Variants in CADM2 observed in about 807,000 individuals in gnomAD.
The protein encoded by CADM2 is cell adhesion molecule 2.
In CADM2, 12 loss-of-function variants were observed where a neutral mutation model predicts 49.8. That is an observed-to-expected ratio of 0.24 (90% CI 0.15 to 0.39). The LOEUF (loss-of-function observed/expected upper bound fraction) is 0.39, where lower values mean the gene tolerates loss of function less well. CADM2 is among the 10% of genes least tolerant of loss of function. CADM2 has a pLI of 1.00. For missense variants in CADM2, 378 were observed against 492.3 expected, an observed-to-expected ratio of 0.77 and a Z score of 2.20; for synonymous variants, 214 against 175.4, an observed-to-expected ratio of 1.22 and a Z score of -1.74.
At chr3:85,217,896 G>A (rs1193517460) in intron 1 of CADM2, among the ~76,000 whole-genome samples, 2 of 151,926 alleles carry the variant, frequency 1.3e-5, no homozygotes, top group Admixed American at 6.6e-5. Flanking sequence ...CACTTGCTTA[G>A]CCTTTTAAAT....
chr3:84,993,580 A>C (rs971495790), intron 1 of CADM2, among the ~76,000 whole-genome samples: 5 of 152,182 alleles, frequency 3.3e-5, no homozygotes, highest in Non-Finnish European at 7.3e-5. Flanking sequence ...GATTAGCAGA[A>C]AGTCAAAAGG....
intron 1 of CADM2, among the ~76,000 whole-genome samples, chr3:85,332,839 CT>C (rs140583272): frequency 0.073 from 11,058 of 151,436 alleles, 738 homozygotes; most frequent in African/African-American, 0.18. Flanking sequence ...GTGAACAAGG[CT>C]TTTTTTTATT....
At chr3:85,751,156 G>A (rs2068842761) in intron 2 of CADM2, among the ~76,000 whole-genome samples, 1 of 151,988 alleles carries the variant, frequency 6.6e-6, no homozygotes, top group Non-Finnish European at 1.5e-5. Flanking sequence ...AACTGGGTAG[G>A]GGCAATGGTG....
intron 3 of CADM2, among the ~76,000 whole-genome samples, chr3:85,875,242 A>AT (rs889601582): frequency 1.1e-4 from 16 of 151,412 alleles, no homozygotes; most frequent in East Asian, 7.7e-4. Context: ...TACAAATCTT[A>AT]TTTTTTTTTC....
At position 85,259,446 on chromosome 3, in the gene CADM2, C is replaced by T. The variant is rs187238935; in HGVS notation, c.61+299778C>T. 1.8e-3 allele frequency among the ~76,000 whole-genome samples: 272 copies of T among 151,622 alleles called. 1 individual carries two copies. Among genetic ancestry groups the T allele is most frequent in the African/African-American group, 6.3e-3 (261 of 41,302 alleles). On this transcript the variant is annotated intron_variant, in intron 1 of 9. Coordinates refer to ENST00000383699, the MANE Select transcript of CADM2 (RefSeq NM_001167675.2). ...CATGATAAATAGCAACACTAAAATG[C>T]AATTTAGTGAACATGTGTGAGCCTG... is the stretch of plus-strand genomic sequence containing the variant.
In CADM2 at chr3:85,806,691, C is replaced by T. The variant is rs189919870; in HGVS notation, c.238+4495C>T. ...CGGAGGTTGCAGTGAGCTGAGATCG[C>T]GCTACTGCACTCCAGCCTGGGTGAT... On this transcript the variant is annotated intron_variant, in intron 3 of 9. Coordinates refer to ENST00000383699, the MANE Select transcript of CADM2 (RefSeq NM_001167675.2). 4.3e-3 allele frequency among the ~76,000 whole-genome samples: 650 copies of T among 152,004 alleles called. 3 individuals are homozygous for T. The highest frequency in any genetic ancestry group is 6.3e-3 in the Non-Finnish European group (425 of 67,952).
chr3:85,687,720 GTAATTAGATGTCTA>G (rs1392824724), intron 1 of CADM2, among the ~76,000 whole-genome samples: 1 of 152,098 alleles, frequency 6.6e-6, no homozygotes, highest in Non-Finnish European at 1.5e-5. Context: ...AAATATGTGG[GTAATTAGATGTCTA>G]TAGTCCTCCT....
chr3:85,428,393 T>A (rs2036513024), intron 1 of CADM2, among the ~76,000 whole-genome samples: 1 of 145,322 alleles, frequency 6.9e-6, no homozygotes. Flanking sequence ...TTATTTTATA[T>A]AATACATATT....
chr3:85,317,424 G>A (rs912837541), intron 1 of CADM2, among the ~76,000 whole-genome samples: 1 of 152,044 alleles, frequency 6.6e-6, no homozygotes, highest in Non-Finnish European at 1.5e-5. Flanking sequence ...ACTATATAAG[G>A]GAAGTAGCCA....
chr3:85,781,018 C>T (rs932606928), intron 2 of CADM2, among the ~76,000 whole-genome samples: 1 of 152,080 alleles, frequency 6.6e-6, no homozygotes, highest in Non-Finnish European at 1.5e-5. Flanking sequence ...CCAGCCTATC[C>T]CCAGAAGCCA....
chr3:85,045,924 C>T (rs975645496), intron 1 of CADM2, among the ~76,000 whole-genome samples: 2 of 152,088 alleles, frequency 1.3e-5, no homozygotes, highest in African/African-American at 4.8e-5. Context: ...CCTAAGTAGA[C>T]ATCTTAGGAA....
chr3:85,352,729 T>G (rs1428199745), intron 1 of CADM2, among the ~76,000 whole-genome samples: 1 of 152,124 alleles, frequency 6.6e-6, no homozygotes, highest in Non-Finnish European at 1.5e-5. Context: ...ATTTTATGAG[T>G]TAAAAAGAAA....
chr3:86,074,325 A>C lies in CADM2; in HGVS notation c.*7542A>C, dbSNP rs1482764474. The stretch of plus-strand genomic sequence containing the variant: ...TCTACTTTAAATAACAGATTTTGTT[A>C]CACAGGGTAAGCCAAAGGCTGTACA... On this transcript the variant is annotated 3_prime_UTR_variant, in exon 10 of 10. Transcript: ENST00000383699. 2.0e-5 allele frequency: 3 copies of C among 152,028 alleles called. No homozygotes were observed. Among genetic ancestry groups the C allele is most frequent in the African/African-American group, 7.2e-5 (3 of 41,458 alleles). The allele number at this position is 152,028 out of a possible 1,614,324, so 9.4% of individuals were successfully genotyped here. A position where few individuals can be genotyped will look rare whatever the true frequency, so the allele number is the denominator to read the frequency against.
chr3:86,041,801 C>T (rs184752658), intron 8 of CADM2, among the ~76,000 whole-genome samples: 281 of 152,250 alleles, frequency 1.8e-3, no homozygotes, highest in African/African-American at 5.9e-3. Context: ...CACACCACAC[C>T]TATTCCAAAA....
intron 1 of CADM2, among the ~76,000 whole-genome samples, chr3:85,207,034 A>C (rs543803759): frequency 6.8e-6 from 1 of 147,996 alleles, no homozygotes; most frequent in African/African-American, 2.5e-5. Context: ...AGAATCAGTT[A>C]CTTTGGAAGA....
chr3:85,042,281 A>G (rs531742616), intron 1 of CADM2, among the ~76,000 whole-genome samples: 1 of 152,310 alleles, frequency 6.6e-6, no homozygotes, highest in African/African-American at 2.4e-5. Flanking sequence ...CGTCTTGAGC[A>G]TGAAAGCAGT....
chr3:85,542,309 C>A lies in CADM2; in HGVS notation c.62-184213C>A, dbSNP rs544105924. Among the ~76,000 whole-genome samples, 7 of 152,122 alleles carry A rather than the reference C, an allele frequency of 4.6e-5. No homozygotes were observed. In the East Asian group the frequency reaches 1.4e-3, roughly 29 times the overall value. On this transcript the variant is annotated intron_variant, in intron 1 of 9. Transcript: ENST00000383699. ...CCCTGAGAAATTGTTCTTATTCCCC[C>A]AAAAGGAGTTTACCTAAACATTAAT...
chr3:85,165,813 T>G (rs1459913306), intron 1 of CADM2, among the ~76,000 whole-genome samples: 2 of 151,872 alleles, frequency 1.3e-5, no homozygotes, highest in Non-Finnish European at 3.0e-5. Context: ...GAAAATTGAA[T>G]TACTAACCAG....
At position 85,505,233 on chromosome 3, in the gene CADM2, C is replaced by T. The variant is rs550966718; in HGVS notation, c.62-221289C>T. Among the ~76,000 whole-genome samples, 213 of 152,338 alleles carry T rather than the reference C, an allele frequency of 1.4e-3. 2 individuals carry two copies. Among genetic ancestry groups the T allele is most frequent in the African/African-American group, 5.0e-3 (208 of 41,582 alleles). ...TCTGAGGACTGCCAGCACGCTGTCA[C>T]CTCTCAATATCACAAGTGTAAGAAA... On this transcript the variant is annotated intron_variant, in intron 1 of 9. Transcript: ENST00000383699.
Sources: gnomAD v4.1 joint callset for allele counts (sites outside exome capture counted in the v4.1 genomes callset) on GRCh38, gnomAD v4.1.1 for gene constraint, MANE v1.5 for transcripts, NCBI Gene and HGNC (gene_info 2026-07-23, HGNC 2026-07-21) for gene names.